The following ZHX2 variants were observed in gnomAD, a reference collection of about 807,000 sequenced individuals.
ZHX2 encodes the protein zinc fingers and homeoboxes 2.
In ZHX2, 6 loss-of-function variants were observed where a neutral mutation model predicts 21.9. The observed-to-expected ratio is 0.27, with a 90% CI of 0.15 to 0.54. The LOEUF (loss-of-function observed/expected upper bound fraction) is 0.54, where lower values mean the gene tolerates loss of function less well. Among genes scored for constraint, ZHX2 ranks in the 20% least tolerant of loss-of-function variants. The pLI, the probability that ZHX2 is intolerant of heterozygous loss-of-function variation, is 0.95. For synonymous variants in ZHX2, 434 were observed against 437.1 expected (o/e 0.99, Z 0.09); for missense variants, 908 against 1,090.7 (o/e 0.83, Z 2.36).
chr8:122,949,754 C>A (rs1315918621), intron 2 of ZHX2, among the ~76,000 whole-genome samples: 2 of 152,036 alleles, frequency 1.3e-5, no homozygotes, highest in African/African-American at 4.8e-5. Flanking sequence ...GCCTGTAGTT[C>A]CAGCTGCTCA....
intron 2 of ZHX2, among the ~76,000 whole-genome samples, chr8:122,937,248 G>T (rs1430219100): frequency 6.6e-6 from 1 of 152,236 alleles, no homozygotes; most frequent in Non-Finnish European, 1.5e-5. Flanking sequence ...AGGAAGGCCT[G>T]GGGCATAGCA....
At chr8:122,890,315 A>G (rs1819946741) in intron 2 of ZHX2, among the ~76,000 whole-genome samples, 1 of 152,100 alleles carries the variant, frequency 6.6e-6, no homozygotes, top group South Asian at 2.1e-4. Context: ...TCATTGGTCT[A>G]TATGTCTTTT....
At chr8:122,899,061 G>A (rs747332612) in intron 2 of ZHX2, among the ~76,000 whole-genome samples, 1 of 152,184 alleles carries the variant, frequency 6.6e-6, no homozygotes, top group African/African-American at 2.4e-5. Context: ...AACAGCCATG[G>A]AACACCTATG....
intron 1 of ZHX2, among the ~76,000 whole-genome samples, chr8:122,836,098 A>G (rs570018189): frequency 6.6e-6 from 1 of 152,296 alleles, no homozygotes; most frequent in South Asian, 2.1e-4. Flanking sequence ...GGGGGACAAT[A>G]AAAGGAGCAA....
At chr8:122,955,946 G>A (rs1813289520) in intron 3 of ZHX2, among the ~76,000 whole-genome samples, 1 of 148,176 alleles carries the variant, frequency 6.7e-6, no homozygotes, top group African/African-American at 2.5e-5. Flanking sequence ...TTGGGTTCAA[G>A]CAGTTCTCCT....
chr8:122,889,319 G>A (rs558273666), intron 2 of ZHX2, among the ~76,000 whole-genome samples: 5 of 152,180 alleles, frequency 3.3e-5, no homozygotes, highest in African/African-American at 9.6e-5. Flanking sequence ...TTCCATAGAG[G>A]CTGTACTAAT....
Position 122,828,061 on chromosome 8 carries a change from C to G in ZHX2, c.-282-35416C>G, listed in dbSNP as rs904451382. On this transcript the variant is annotated intron_variant, in intron 1 of 3. Transcript: ENST00000314393. This position sits in a 1 kb window ranked among gnomAD's most constrained non-coding sequence, Gnocchi z 5.2. ...CCCAGAAGGTTGAGGTTGGAGTGAGCCATGATCTCTCCACTGCACTCCAGC... is the reference window on the plus strand; with the variant it reads ...CCCAGAAGGTTGAGGTTGGAGTGAGGCATGATCTCTCCACTGCACTCCAGC... Among the ~76,000 whole-genome samples, 1 of 152,184 alleles carries G rather than the reference C, an allele frequency of 6.6e-6. No homozygotes were observed. Among genetic ancestry groups the G allele is most frequent in the Non-Finnish European group, 1.5e-5 (1 of 68,040 alleles).
At chr8:122,862,654 C>A (rs974623368) in intron 1 of ZHX2, among the ~76,000 whole-genome samples, 1 of 152,184 alleles carries the variant, frequency 6.6e-6, no homozygotes, top group African/African-American at 2.4e-5. Flanking sequence ...TTCTTTCCCC[C>A]AGCCAAAAGG....
rs1817311281 is a variant in ZHX2 at position 122,782,595 on chromosome 8, C to T, written c.-283+649C>T. Among the ~76,000 whole-genome samples the T allele has an allele frequency of 6.6e-6, 1 of 152,330 alleles. No individual in the cohort carries two copies. Among genetic ancestry groups the T allele is most frequent in the Admixed American group, 6.5e-5 (1 of 15,312 alleles). On this transcript the variant is annotated intron_variant, in intron 1 of 3. Transcript: ENST00000314393. The surrounding 1 kb of genome is among the most constrained non-coding windows in gnomAD (Gnocchi z 5.3). Reference sequence around the variant, plus strand: ...GCATGACGCCGTGGGCCGAGGCTGCCTCTGCTCTCGTCGCTCCCGGCGGCT... The same window carrying T: ...GCATGACGCCGTGGGCCGAGGCTGCTTCTGCTCTCGTCGCTCCCGGCGGCT...
At chr8:122,791,050 C>T (rs1281763767) in intron 1 of ZHX2, among the ~76,000 whole-genome samples, 1 of 152,206 alleles carries the variant, frequency 6.6e-6, no homozygotes, top group Non-Finnish European at 1.5e-5. Flanking sequence ...CCCTCCTGCC[C>T]TCCATGCACC....
intron 1 of ZHX2, among the ~76,000 whole-genome samples, chr8:122,842,253 T>A (rs1241279827): frequency 6.6e-6 from 1 of 152,206 alleles, no homozygotes; most frequent in African/African-American, 2.4e-5. Context: ...ATTGAGAACA[T>A]TGGTCTTCAG....
intron 1 of ZHX2, among the ~76,000 whole-genome samples, chr8:122,822,209 C>T (rs773752320): frequency 6.6e-6 from 1 of 152,138 alleles, no homozygotes; most frequent in African/African-American, 2.4e-5. Context: ...ACTTACCCCA[C>T]GATTTTAGTG....
intron 1 of ZHX2, among the ~76,000 whole-genome samples, chr8:122,845,749 C>T (rs1039125678): frequency 2.0e-5 from 3 of 152,202 alleles, no homozygotes; most frequent in Admixed American, 1.3e-4. Context: ...GTAGACATTA[C>T]TCTGCCCATT....
Position 122,869,868 on chromosome 8 carries a change from G to A in ZHX2, c.-220+6329G>A, listed in dbSNP as rs560904791. On this transcript the variant is annotated intron_variant, in intron 2 of 3. Coordinates refer to ENST00000314393, the MANE Select transcript of ZHX2 (RefSeq NM_014943.5). ...ATGGGTTCCCTCATAGGGTAGTTAG[G>A]ATGACTAAATGAGTCTGTGGAAGGT... 8.7e-4 allele frequency among the ~76,000 whole-genome samples: 133 copies of A among 152,310 alleles called. No individual in the cohort carries two copies. In the South Asian group the frequency reaches 0.01, roughly 12 times the overall value.
intron 2 of ZHX2, among the ~76,000 whole-genome samples, chr8:122,878,726 G>C (rs1023700140): frequency 6.6e-5 from 10 of 152,154 alleles, no homozygotes; most frequent in Non-Finnish European, 1.3e-4. Context: ...GGAATACAGG[G>C]AACAGTAAAG....
chr8:122,794,835 CT>C lies in ZHX2; in HGVS notation c.-283+12891del, dbSNP rs1295402660. 2.6e-5 allele frequency among the ~76,000 whole-genome samples: 4 copies of C among 152,190 alleles called. No individual in the cohort carries two copies. The East Asian group carries it at 7.7e-4, about 29-fold the overall frequency. ...CTCTTAAGAAAGACTCCTGTAGTTCCTTCTTCCCAGAAAGACTATCCCCAAG... is the reference window on the plus strand; with the variant it reads ...CTCTTAAGAAAGACTCCTGTAGTTCCTCTTCCCAGAAAGACTATCCCCAAG... On this transcript the variant is annotated intron_variant, in intron 1 of 3. Transcript: ENST00000314393.
chr8:122,821,316 G>A (rs777994502), intron 1 of ZHX2, among the ~76,000 whole-genome samples: 11 of 152,270 alleles, frequency 7.2e-5, no homozygotes, highest in Non-Finnish European at 1.0e-4. Context: ...AGGTGCCTAG[G>A]GGCTTGTTGG....
chr8:122,897,724 C>T (rs1820134130), intron 2 of ZHX2, among the ~76,000 whole-genome samples: 1 of 151,974 alleles, frequency 6.6e-6, no homozygotes, highest in African/African-American at 2.4e-5. Flanking sequence ...GTTTCTATTT[C>T]CTTAAGCTGG....
chr8:122,793,294 G>A (rs1817555442), intron 1 of ZHX2, among the ~76,000 whole-genome samples: 1 of 152,212 alleles, frequency 6.6e-6, no homozygotes, highest in Admixed American at 6.5e-5. Context: ...CAGGGACCAG[G>A]AAGTGGCCTG....
Sources: gnomAD v4.1 joint callset for allele counts (sites outside exome capture counted in the v4.1 genomes callset) on GRCh38, gnomAD v4.1.1 for gene constraint, Gnocchi (gnomAD v3.1) non-coding constraint, MANE v1.5 for transcripts, NCBI Gene and HGNC (gene_info 2026-07-23, HGNC 2026-07-21) for gene names.